CFAP61: variants seen among roughly 807,000 people sequenced by gnomAD.
The protein encoded by CFAP61 is cilia- and flagella-associated protein 61.
A neutral mutation model predicts 135.6 loss-of-function variants in CFAP61; 107 were observed. That is an observed-to-expected ratio of 0.79 (90% CI 0.67 to 0.93). The LOEUF is 0.93. CFAP61 is among the 40% of genes least tolerant of loss of function. CFAP61 has a pLI of 0.00. For missense variants in CFAP61, 1,507 were observed against 1,556.2 expected, an observed-to-expected ratio of 0.97 and a Z score of 0.53; for synonymous variants, 575 against 578.5, an observed-to-expected ratio of 0.99 and a Z score of 0.09.
intron 12 of CFAP61, among the ~76,000 whole-genome samples, chr20:20,169,085 A>C (rs147410519): frequency 6.6e-6 from 1 of 152,294 alleles, no homozygotes; most frequent in Middle Eastern, 3.4e-3. Flanking sequence ...CATTGTTTAT[A>C]AGATTCATTT....
chr20:20,248,531 T>A (rs1418381176), intron 19 of CFAP61, among the ~76,000 whole-genome samples: 1 of 152,188 alleles, frequency 6.6e-6, no homozygotes, highest in African/African-American at 2.4e-5. Flanking sequence ...TAATGGCATG[T>A]CTGGGATGCA....
At chr20:20,106,951 A>T (rs2048451648) in intron 8 of CFAP61, among the ~76,000 whole-genome samples, 1 of 152,242 alleles carries the variant, frequency 6.6e-6, no homozygotes, top group Non-Finnish European at 1.5e-5. Context: ...GTCAGCAGTT[A>T]GTTGCTAGAA....
Position 20,289,339 on chromosome 20 carries a change from C to T in CFAP61, c.3124+403C>T, listed in dbSNP as rs894312291. Among the ~76,000 whole-genome samples, 3 of 145,202 alleles carry T rather than the reference C, an allele frequency of 2.1e-5. No individual in the cohort carries two copies. The Admixed American group carries it at 2.1e-4, about 10-fold the overall frequency. ...CCCTTCCAGGCAGCCAGGCCTCAGCCTGCTCTGGGGATGGATAAGCTTAAC... is the reference window on the plus strand; with the variant it reads ...CCCTTCCAGGCAGCCAGGCCTCAGCTTGCTCTGGGGATGGATAAGCTTAAC... On this transcript the variant is annotated intron_variant, in intron 23 of 26. Coordinates refer to ENST00000245957, the MANE Select transcript of CFAP61 (RefSeq NM_015585.4).
chr20:20,298,505 T>G, intron 25 of CFAP61, 119 bp downstream of exon 25: 1 of 813,248 alleles, frequency 1.2e-6, no homozygotes. Context: ...AGAGAGGCTG[T>G]GTGGCAGAGA....
At chr20:20,326,252 A>AT (rs1352868558) in intron 25 of CFAP61, among the ~76,000 whole-genome samples, 1 of 151,870 alleles carries the variant, frequency 6.6e-6, no homozygotes, top group Non-Finnish European at 1.5e-5. Context: ...TTTTGCAAAG[A>AT]TTTTCTCCCA....
intron 9 of CFAP61, among the ~76,000 whole-genome samples, chr20:20,144,993 G>A (rs2051753489): frequency 6.6e-6 from 1 of 152,110 alleles, no homozygotes; most frequent in African/African-American, 2.4e-5. Context: ...AGGTGGAAAG[G>A]TGCATCACCA....
At chr20:20,360,146 C>G (rs1490613942) in intron 26 of CFAP61, 64 bp from the exon 27 acceptor site, 2 of 1,200,944 alleles carry the variant, frequency 1.7e-6, no homozygotes, top group African/African-American at 3.0e-5. Context: ...TCTCATGAAA[C>G]TGCCGTTACA....
intron 8 of CFAP61, among the ~76,000 whole-genome samples, chr20:20,130,079 G>C (rs1407711201): frequency 1.3e-5 from 2 of 151,614 alleles, no homozygotes; most frequent in Non-Finnish European, 2.9e-5. Context: ...CATGAGGTCA[G>C]GAGTTTGAGA....
chr20:20,199,834 C>G lies in CFAP61; in HGVS notation c.1864C>G (p.Arg622Gly). 6.2e-7 allele frequency: 1 copy of G among 1,614,182 alleles called. No individual in the cohort carries two copies. Among genetic ancestry groups the G allele is most frequent in the South Asian group, 1.1e-5 (1 of 91,084 alleles). ...TTACTTGGTTCCCGTGCGACCACGACGACAGATTGTCTATCCTCTGGAAAA... is the reference window on the plus strand; with the variant it reads ...TTACTTGGTTCCCGTGCGACCACGAGGACAGATTGTCTATCCTCTGGAAAA... ...LHYLVPVRPRRQIVYPLEKLG... is the reference protein window; with the variant it reads ...LHYLVPVRPRGQIVYPLEKLG... Residue 622 changes from arginine to glycine, a missense_variant, in exon 17 of 27, where the codon CGA becomes GGA. By Grantham distance (125) the Arg-to-Gly change is moderately radical. Transcript: ENST00000245957.
Position 20,288,928 on chromosome 20 carries a change from A to C in CFAP61, c.3116A>C (p.Lys1039Thr), listed in dbSNP as rs149642561. ...CTCATCCCCATGTACAAGGGAGCCA[A>C]GATTCAAGGTATACGAGTAGGCTTC... Reference protein sequence around the residue: ...DRLIPMYKGAKIQGGILPGSY... With the variant: ...DRLIPMYKGATIQGGILPGSY... The change falls in exon 23 of 27, where the codon AAG (lysine) becomes ACG (threonine). Residue 1039 changes from lysine (K) to threonine (T), a missense_variant. Physicochemically the swap from Lys to Thr is moderately conservative, Grantham distance 78 (BLOSUM62 -1). Coordinates refer to ENST00000245957, the MANE Select transcript of CFAP61 (RefSeq NM_015585.4). The C allele has an allele frequency of 1.4e-4, 220 of 1,606,476 alleles. No individual in the cohort carries two copies. The African/African-American group carries it at 2.7e-3, about 20-fold the overall frequency.
intron 18 of CFAP61, among the ~76,000 whole-genome samples, chr20:20,232,135 C>A (rs778708588): frequency 6.6e-5 from 10 of 152,206 alleles, no homozygotes; most frequent in Non-Finnish European, 2.9e-5. Flanking sequence ...AGGAACTGTC[C>A]TCATCTGTGC....
chr20:20,175,075 A>G (rs2054512821), intron 13 of CFAP61, among the ~76,000 whole-genome samples: 1 of 152,208 alleles, frequency 6.6e-6, no homozygotes, highest in Admixed American at 6.5e-5. Flanking sequence ...CTATCCAGTG[A>G]TGCTCAGTGA....
intron 2 of CFAP61, among the ~76,000 whole-genome samples, chr20:20,069,305 G>A (rs912373534): frequency 6.6e-6 from 1 of 152,040 alleles, no homozygotes; most frequent in Non-Finnish European, 1.5e-5. Context: ...TTTTGAGATG[G>A]ATTCTCGCTC....
At chr20:20,086,203 A>G (rs1250789087) in intron 6 of CFAP61, among the ~76,000 whole-genome samples, 1 of 149,456 alleles carries the variant, frequency 6.7e-6, no homozygotes, top group Non-Finnish European at 1.5e-5. Context: ...TTTAGGGTAC[A>G]TGTGCACAAT....
chr20:20,099,690 G>A (rs561452268), intron 8 of CFAP61, among the ~76,000 whole-genome samples: 2 of 152,238 alleles, frequency 1.3e-5, no homozygotes, highest in East Asian at 3.9e-4. Flanking sequence ...CTTTGTGTCG[G>A]CCTTCCACCA....
chr20:20,142,352 A>C (rs934515440), intron 8 of CFAP61, among the ~76,000 whole-genome samples: 4 of 152,242 alleles, frequency 2.6e-5, no homozygotes, highest in African/African-American at 4.8e-5. Context: ...CCACACAAAG[A>C]GAAAGCAGCC....
chr20:20,356,107 T>G (rs1253136184), intron 26 of CFAP61, among the ~76,000 whole-genome samples: 25 of 11,942 alleles, frequency 2.1e-3, no homozygotes, highest in South Asian at 0.025. Flanking sequence ...TGAGGGGAGG[T>G]GGTCACACTG....
intron 24 of CFAP61, among the ~76,000 whole-genome samples, chr20:20,294,869 A>G (rs992449169): frequency 2.0e-5 from 3 of 150,928 alleles, no homozygotes; most frequent in Admixed American, 6.6e-5. Flanking sequence ...CGGAGCTTGC[A>G]GTGAGCCGAG....
At chr20:20,334,654 T>G (rs2058112436) in intron 25 of CFAP61, among the ~76,000 whole-genome samples, 1 of 152,240 alleles carries the variant, frequency 6.6e-6, no homozygotes, top group Non-Finnish European at 1.5e-5. Context: ...CAAATTATAT[T>G]TCGAGGCTGC....
Sources: allele counts gnomAD v4.1 joint callset (sites outside exome capture counted in the v4.1 genomes callset), GRCh38; gene constraint gnomAD v4.1.1; transcripts MANE v1.5; gene names NCBI Gene and HGNC (gene_info 2026-07-23, HGNC 2026-07-21).